Variants in ZNF678 observed in about 807,000 individuals in gnomAD.
ZNF678 encodes zinc finger protein 678.
In ZNF678, 5 loss-of-function variants were observed where a neutral mutation model predicts 3.0. The observed-to-expected ratio is 1.69, with a 90% CI of 0.88 to 3.56. The LOEUF (loss-of-function observed/expected upper bound fraction) is 3.56, where lower values mean the gene tolerates loss of function less well. Ranked by LOEUF, ZNF678 falls within the 30% of genes most tolerant of loss-of-function variation. The probability of loss-of-function intolerance (pLI) is 0.00; values close to 1 mark genes in which losing one functional copy is unlikely to be tolerated. For missense variants in ZNF678, 593 were observed against 605.0 expected, an observed-to-expected ratio of 0.98 and a Z score of 0.21; for synonymous variants, 218 against 199.6, an observed-to-expected ratio of 1.09 and a Z score of -0.78.
intron 1 of ZNF678, among the ~76,000 whole-genome samples, chr1:227,595,353 G>A (rs1028751387): frequency 6.6e-6 from 1 of 151,934 alleles, no homozygotes; most frequent in African/African-American, 2.4e-5. Context: ...CTGTAACCAA[G>A]CATCTGTGTA....
intron 5 of ZNF678, among the ~76,000 whole-genome samples, chr1:227,671,154 G>T (rs1158965565): frequency 2.0e-5 from 3 of 147,062 alleles, no homozygotes; most frequent in Admixed American, 6.9e-5. Context: ...ATAGTTCACT[G>T]GAGCCTCAAA....
intron 1 of ZNF678, among the ~76,000 whole-genome samples, chr1:227,637,341 T>C (rs528153825): frequency 2.6e-5 from 4 of 152,330 alleles, no homozygotes; most frequent in Admixed American, 6.5e-5. Context: ...TGAGACTTAG[T>C]ACATTGCGGT....
In ZNF678 at chr1:227,655,301, T is replaced by A; in HGVS notation, c.1051T>A (p.Cys351Ser). The A allele has an allele frequency of 6.2e-7, 1 of 1,611,324 alleles. No homozygotes were observed. Among genetic ancestry groups the A allele is most frequent in the Non-Finnish European group, 8.5e-7 (1 of 1,178,326 alleles). ...RIHTGEKPYKCEECGRTFTQF... is the reference protein window; with the variant it reads ...RIHTGEKPYKSEECGRTFTQF... The stretch of plus-strand genomic sequence containing the variant: ...TCATACTGGAGAGAAACCCTACAAA[T>A]GTGAAGAATGTGGCAGAACCTTTAC... Residue 351 changes from cysteine to serine, a missense_variant, in exon 4 of 4, where the codon TGT becomes AGT. Coordinates refer to ENST00000343776, the MANE Select transcript of ZNF678 (RefSeq NM_001367909.1).
downstream of ZNF678, among the ~76,000 whole-genome samples, chr1:227,665,204 C>A (rs1177127450): frequency 6.6e-6 from 1 of 152,190 alleles, no homozygotes; most frequent in African/African-American, 2.4e-5. Context: ...CTCAAACAGG[C>A]CTGGGCCCAG....
At chr1:227,641,053 A>G (rs775539786) in intron 1 of ZNF678, among the ~76,000 whole-genome samples, 50 of 152,224 alleles carry the variant, frequency 3.3e-4, no homozygotes, top group Non-Finnish European at 8.8e-5. Context: ...TTCCCCTGCT[A>G]ACCAGGCTCC....
intron 5 of ZNF678, among the ~76,000 whole-genome samples, chr1:227,668,111 A>G (rs1181409017): frequency 6.6e-6 from 1 of 152,204 alleles, no homozygotes; most frequent in Admixed American, 6.5e-5. Flanking sequence ...CAGTAGCTCT[A>G]ACAATGTAGA....
At chr1:227,580,089 G>A (rs1657087293) in intron 1 of ZNF678, among the ~76,000 whole-genome samples, 1 of 152,130 alleles carries the variant, frequency 6.6e-6, no homozygotes, top group African/African-American at 2.4e-5. Flanking sequence ...ATTGCTTCTT[G>A]ACAGTTCAAC....
At chr1:227,597,540 G>A (rs1657625901) in intron 1 of ZNF678, among the ~76,000 whole-genome samples, 1 of 152,110 alleles carries the variant, frequency 6.6e-6, no homozygotes, top group Non-Finnish European at 1.5e-5. Flanking sequence ...CCTCTCCCAA[G>A]CCAAAGTGTA....
At chr1:227,643,592 T>C (rs986858047) in intron 1 of ZNF678, among the ~76,000 whole-genome samples, 1 of 152,164 alleles carries the variant, frequency 6.6e-6, no homozygotes, top group Non-Finnish European at 1.5e-5. Context: ...CCCACAATTT[T>C]CCCAAATCCA....
intron 5 of ZNF678, among the ~76,000 whole-genome samples, chr1:227,675,429 TC>T (rs1404132764): frequency 6.6e-6 from 1 of 152,204 alleles, no homozygotes; most frequent in African/African-American, 2.4e-5. Context: ...AAGATAAAAA[TC>T]TAAAGGGCTA....
chr1:227,652,943 T>G (rs528576481), intron 3 of ZNF678, among the ~76,000 whole-genome samples: 1 of 152,232 alleles, frequency 6.6e-6, no homozygotes, highest in Non-Finnish European at 1.5e-5. Flanking sequence ...TGTAGGACAG[T>G]TGTACTGGTG....
At chr1:227,574,512 G>A (rs1207035568) in intron 1 of ZNF678, among the ~76,000 whole-genome samples, 1 of 152,032 alleles carries the variant, frequency 6.6e-6, no homozygotes, top group Admixed American at 6.5e-5. Context: ...ACTTTTTAAT[G>A]GAGTTGTGTT....
chr1:227,584,597 C>T (rs1217875216), intron 1 of ZNF678, among the ~76,000 whole-genome samples: 2 of 152,162 alleles, frequency 1.3e-5, no homozygotes, highest in East Asian at 3.8e-4. Context: ...ATGAGAAACA[C>T]TTTATTCAGA....
intron 5 of ZNF678, among the ~76,000 whole-genome samples, chr1:227,671,825 G>T (rs1321227729): frequency 6.6e-6 from 1 of 152,068 alleles, no homozygotes; most frequent in Non-Finnish European, 1.5e-5. Flanking sequence ...TTGATGTAAG[G>T]CCCTTATTTC....
At chr1:227,587,450 G>A (rs910615488) in intron 1 of ZNF678, among the ~76,000 whole-genome samples, 5 of 152,114 alleles carry the variant, frequency 3.3e-5, no homozygotes, top group Non-Finnish European at 5.9e-5. Context: ...TCTTTAGACT[G>A]ATGCTTTATA....
At chr1:227,646,744 C>T in intron 2 of ZNF678, 74 bp downstream of exon 2, 1 of 1,262,808 alleles carries the variant, frequency 7.9e-7, no homozygotes, top group Non-Finnish European at 1.0e-6. Flanking sequence ...TGAAATGTTA[C>T]CTGAGAGTTT....
chr1:227,602,471 A>G (rs2102751059), intron 1 of ZNF678, among the ~76,000 whole-genome samples: 1 of 152,030 alleles, frequency 6.6e-6, no homozygotes, highest in Admixed American at 6.5e-5. Context: ...GTTTCATCAG[A>G]GATTTCAAGT....
Position 227,655,335 on chromosome 1 carries a change from C to G in ZNF678, c.1085C>G (p.Ser362Ter), listed in dbSNP as rs756269558. Residue 362 changes from serine to a stop codon, truncating the protein, a stop_gained, in exon 4 of 4, where the codon TCA (serine) becomes TGA (stop). Coordinates refer to ENST00000343776, the MANE Select transcript of ZNF678 (RefSeq NM_001367909.1). LOFTEE classifies it low-confidence loss of function (END_TRUNC). ...TGTGGCAGAACCTTTACTCAATTCT[C>G]AAACCTCACTCAGCATAAAAGAATT... ...EECGRTFTQFSNLTQHKRIHT... is the reference protein window; with the variant it reads ...EECGRTFTQF The G allele has an allele frequency of 1.1e-5, 18 of 1,611,008 alleles. No homozygotes were observed. In the South Asian group the frequency reaches 1.8e-4, roughly 16 times the overall value.
intron 1 of ZNF678, among the ~76,000 whole-genome samples, chr1:227,565,371 T>C (rs4653856): frequency 0.33 from 49,475 of 151,846 alleles, 9,102 homozygotes; most frequent in Middle Eastern, 0.44. Context: ...ACTTGTTGTT[T>C]TTAAGAGGAT....
Sources: allele counts gnomAD v4.1 joint callset (sites outside exome capture counted in the v4.1 genomes callset), GRCh38; gene constraint gnomAD v4.1.1; transcripts MANE v1.5; gene names NCBI Gene and HGNC (gene_info 2026-07-23, HGNC 2026-07-21).